The following DGCR2 variants were observed in gnomAD, a reference collection of about 807,000 sequenced individuals.
DGCR2 encodes the protein integral membrane protein DGCR2/IDD.
A neutral mutation model predicts 51.6 loss-of-function variants in DGCR2; 24 were observed. The ratio of observed to expected loss-of-function variants is 0.47; its 90% confidence interval spans 0.34 to 0.65. DGCR2 has a LOEUF of 0.65. Among genes scored for constraint, DGCR2 ranks in the 30% least tolerant of loss-of-function variants. The pLI, the probability that DGCR2 is intolerant of heterozygous loss-of-function variation, is 0.01. For synonymous variants in DGCR2, 340 were observed against 315.4 expected (o/e 1.08, Z -0.82); for missense variants, 765 against 772.1 (o/e 0.99, Z 0.11).
intron 6 of DGCR2, among the ~76,000 whole-genome samples, chr22:19,052,414 TCACACACACA>T (rs34670843): frequency 6.7e-6 from 1 of 148,548 alleles, no homozygotes. Context: ...AGACTCTGTC[TCACACACACA>T]CACACACACA....
chr22:19,082,537 A>T (rs2082951585), intron 2 of DGCR2, among the ~76,000 whole-genome samples: 2 of 151,302 alleles, frequency 1.3e-5, no homozygotes, highest in South Asian at 2.1e-4. Context: ...ATCGCCTGAG[A>T]TCAGGGGTTC....
intron 1 of DGCR2, among the ~76,000 whole-genome samples, chr22:19,091,987 TG>T (rs1245235405): frequency 6.6e-6 from 1 of 152,116 alleles, no homozygotes; most frequent in Non-Finnish European, 1.5e-5. Context: ...AAACAAAAGT[TG>T]TTTTTTTGAG....
At chr22:19,089,530 A>C in intron 1 of DGCR2, 40 bp from the exon 2 acceptor site, 1 of 1,497,382 alleles carries the variant, frequency 6.7e-7, no homozygotes, top group East Asian at 2.5e-5. Flanking sequence ...AGGAAGTGGC[A>C]GTAGGCCAGC....
At chr22:19,079,570 AT>A in intron 2 of DGCR2, among the ~76,000 whole-genome samples, 1 of 152,338 alleles carries the variant, frequency 6.6e-6, no homozygotes, top group South Asian at 2.1e-4. Flanking sequence ...TATTACATGA[AT>A]AAAGTAACTG....
At chr22:19,121,853 C>G (rs1236781545) in intron 1 of DGCR2, 1 of 235,452 alleles carries the variant, frequency 4.2e-6, no homozygotes, top group African/African-American at 2.3e-5. Flanking sequence ...AGAGGGTGCG[C>G]CCGTGGCGTA....
chr22:19,058,962 G>C (rs1460057599), intron 5 of DGCR2, among the ~76,000 whole-genome samples: 1 of 152,258 alleles, frequency 6.6e-6, no homozygotes, highest in East Asian at 1.9e-4. Flanking sequence ...TCCAGGTGCT[G>C]AATGGGGGCT....
At chr22:19,062,531 A>G (rs757859400) in intron 5 of DGCR2, among the ~76,000 whole-genome samples, 1 of 152,164 alleles carries the variant, frequency 6.6e-6, no homozygotes, top group Admixed American at 6.5e-5. Context: ...CCACAGGCAC[A>G]AAGTACAGCC....
At position 19,037,191 on chromosome 22, in the gene DGCR2, G is replaced by A. The variant is rs549991460; in HGVS notation, c.*1674C>T. 3 of 152,400 alleles carry A rather than the reference G, an allele frequency of 2.0e-5. No individual in the cohort carries two copies. Among genetic ancestry groups the A allele is most frequent in the African/African-American group, 4.8e-5 (2 of 41,534 alleles). 9.4% of individuals were successfully genotyped at this position (152,400 alleles called of 1,614,324 possible). ...CAGCCCTTCTCCAAGGGGAGCACAA[G>A]CCTGCCCGCACACAGCCTCCAGCAT... is the stretch of plus-strand genomic sequence containing the variant. On this transcript the variant is annotated 3_prime_UTR_variant, in exon 10 of 10. Transcript: ENST00000263196.
At chr22:19,078,139 T>A (rs1353309661) in intron 2 of DGCR2, among the ~76,000 whole-genome samples, 3 of 152,218 alleles carry the variant, frequency 2.0e-5, no homozygotes, top group Admixed American at 2.0e-4. Context: ...TCTTCTTTAA[T>A]TTCTTTTAAC....
chr22:19,121,834 G>A (rs1569096553), intron 1 of DGCR2: 1 of 223,554 alleles, frequency 4.5e-6, no homozygotes, highest in Non-Finnish European at 8.7e-6. Context: ...CTCCGACGCT[G>A]GACTGGCGAG....
chr22:19,098,255 A>C (rs1468895953), intron 1 of DGCR2, among the ~76,000 whole-genome samples: 1 of 151,470 alleles, frequency 6.6e-6, no homozygotes, highest in Non-Finnish European at 1.5e-5. Context: ...AACTCCCCTA[A>C]CTGAGTCGGC....
At chr22:19,046,766 GGA>G (rs2082494641) in intron 7 of DGCR2, 2 of 446,668 alleles carry the variant, frequency 4.5e-6, no homozygotes, top group Admixed American at 4.7e-5. Context: ...TGGCCGTGCA[GGA>G]GAGAGGGCTG....
At chr22:19,050,154 T>C (rs932984855) in intron 6 of DGCR2, among the ~76,000 whole-genome samples, 2 of 152,134 alleles carry the variant, frequency 1.3e-5, no homozygotes, top group African/African-American at 4.8e-5. Flanking sequence ...CTAGGATAAA[T>C]GCAAAGGAGC....
chr22:19,051,288 G>T (rs1473305874), intron 6 of DGCR2, among the ~76,000 whole-genome samples: 3 of 150,952 alleles, frequency 2.0e-5, no homozygotes, highest in Admixed American at 1.3e-4. Flanking sequence ...AACTTATACT[G>T]CCAGGAAAAA....
At chr22:19,066,414 C>A (rs559501806) in intron 3 of DGCR2, among the ~76,000 whole-genome samples, 122 of 151,072 alleles carry the variant, frequency 8.1e-4, no homozygotes, top group African/African-American at 2.8e-3. Context: ...TGAAAAAAAA[C>A]AAACAAAAAA....
chr22:19,082,643 G>C (rs1045231817), intron 2 of DGCR2, among the ~76,000 whole-genome samples: 2 of 152,008 alleles, frequency 1.3e-5, no homozygotes, highest in African/African-American at 2.4e-5. Context: ...CCAGCTACTC[G>C]GGAGGCTGAG....
intron 6 of DGCR2, among the ~76,000 whole-genome samples, chr22:19,049,820 C>T (rs2082529649): frequency 8.1e-6 from 1 of 123,006 alleles, no homozygotes; most frequent in Non-Finnish European, 1.6e-5. Flanking sequence ...GCATGAGACT[C>T]TGTCTCAAAA....
chr22:19,105,447 G>A (rs1456887302), intron 1 of DGCR2, among the ~76,000 whole-genome samples: 3 of 152,202 alleles, frequency 2.0e-5, no homozygotes, highest in Admixed American at 2.0e-4. Context: ...AGGCAAGAGT[G>A]AATAATAAGG....
At chr22:19,093,224 G>A (rs1167611385) in intron 1 of DGCR2, among the ~76,000 whole-genome samples, 10 of 152,108 alleles carry the variant, frequency 6.6e-5, no homozygotes, top group Admixed American at 6.5e-4. Context: ...GCCAGGCATG[G>A]TGGTGCATGC....
Sources: allele counts gnomAD v4.1 joint callset (sites outside exome capture counted in the v4.1 genomes callset), GRCh38; gene constraint gnomAD v4.1.1; transcripts MANE v1.5; gene names NCBI Gene and HGNC (gene_info 2026-07-23, HGNC 2026-07-21).